ARHGAP39: variants seen among roughly 807,000 people sequenced by gnomAD.
ARHGAP39 encodes the protein rho GTPase-activating protein 39.
ARHGAP39 carries 44 observed loss-of-function variants against 106.9 expected under a neutral mutation model. That is an observed-to-expected ratio of 0.41 (90% CI 0.32 to 0.53). The LOEUF (loss-of-function observed/expected upper bound fraction) is 0.53, where lower values mean the gene tolerates loss of function less well. Among genes scored for constraint, ARHGAP39 ranks in the 20% least tolerant of loss-of-function variants. The probability of loss-of-function intolerance (pLI) is 0.21; values close to 1 mark genes in which losing one functional copy is unlikely to be tolerated. For missense variants in ARHGAP39, 1,496 were observed against 1,577.3 expected, an observed-to-expected ratio of 0.95 and a Z score of 0.87; for synonymous variants, 768 against 693.2, an observed-to-expected ratio of 1.11 and a Z score of -1.69.
At chr8:144,573,037 A>C (rs1044914542) in intron 3 of ARHGAP39, among the ~76,000 whole-genome samples, 6 of 152,234 alleles carry the variant, frequency 3.9e-5, no homozygotes, top group African/African-American at 1.4e-4. Context: ...TGTGGAAGAC[A>C]GTGTGGCAAT....
chr8:144,538,999 C>T (rs1348666215), intron 6 of ARHGAP39, among the ~76,000 whole-genome samples: 1 of 152,078 alleles, frequency 6.6e-6, no homozygotes, highest in Non-Finnish European at 1.5e-5. Context: ...CAGGCGTCAC[C>T]CCCACCTCCG....
chr8:144,620,513 G>A (rs981718259), intron 1 of ARHGAP39, among the ~76,000 whole-genome samples: 2 of 150,582 alleles, frequency 1.3e-5, no homozygotes, highest in Non-Finnish European at 3.0e-5. Flanking sequence ...GAGCACGTGT[G>A]CCCGTGTGAG....
chr8:144,592,921 G>A (rs540296034), intron 2 of ARHGAP39, among the ~76,000 whole-genome samples: 2 of 152,318 alleles, frequency 1.3e-5, no homozygotes, highest in African/African-American at 2.4e-5. Flanking sequence ...GGGAACTCGC[G>A]CCTCGGCCCT....
At chr8:144,694,751 A>G in the ARHGAP39 span, among the ~76,000 whole-genome samples, 2 of 152,314 alleles carry the variant, frequency 1.3e-5, no homozygotes, top group South Asian at 2.1e-4. Flanking sequence ...TCTTATGATA[A>G]CATTTCAGGC....
intron 1 of ARHGAP39, among the ~76,000 whole-genome samples, chr8:144,656,281 C>T (rs1449531851): frequency 6.6e-6 from 1 of 151,368 alleles, no homozygotes; most frequent in Admixed American, 6.6e-5. Context: ...TCGCTTGAGC[C>T]CAGGAGTTCA....
In ARHGAP39 at chr8:144,679,493, T is replaced by G. The variant is rs186877378; in HGVS notation, c.-82+6193A>C. 6.6e-6 allele frequency among the ~76,000 whole-genome samples: 1 copy of G among 152,380 alleles called. No individual in the cohort carries two copies. The highest frequency in any genetic ancestry group is 1.5e-5 in the Non-Finnish European group (1 of 68,040). On this transcript the variant is annotated intron_variant, in intron 1 of 11. Transcript: ENST00000377307. This position sits in a 1 kb window ranked among gnomAD's most constrained non-coding sequence, Gnocchi z 4.7. ...AACGCGGGCAGGAATCAGCCTCTGC[T>G]GCTGTGAGCGCTGCAGTGCTGGGGT... is the stretch of plus-strand genomic sequence containing the variant.
At chr8:144,630,324 T>C (rs1038466911) in intron 1 of ARHGAP39, among the ~76,000 whole-genome samples, 1 of 152,230 alleles carries the variant, frequency 6.6e-6, no homozygotes, top group African/African-American at 2.4e-5. Context: ...AATGTCTTCA[T>C]TCTACCTTGA....
chr8:144,610,278 G>A lies in ARHGAP39; in HGVS notation c.-81-4583C>T, dbSNP rs114571201. ...ACTGCCTCAAAAAGACAGCTTAATC[G>A]TTTTTTTTCTATTTTTCTGTTTTCA... is the stretch of plus-strand genomic sequence containing the variant. On this transcript the variant is annotated intron_variant, in intron 1 of 11. Transcript: ENST00000377307. Among the ~76,000 whole-genome samples the A allele has an allele frequency of 2.3e-3, 356 of 151,762 alleles. 2 individuals are homozygous for A. Among genetic ancestry groups the A allele is most frequent in the African/African-American group, 8.1e-3 (334 of 41,378 alleles).
rs573538720 is a variant in ARHGAP39 at position 144,576,160 on chromosome 8, G to A, written c.512+4686C>T. Among the ~76,000 whole-genome samples the A allele has an allele frequency of 5.5e-4, 84 of 151,754 alleles. 1 individual carries two copies. Among genetic ancestry groups the A allele is most frequent in the Admixed American group, 2.0e-3 (30 of 15,222 alleles). On this transcript the variant is annotated intron_variant, in intron 3 of 11. Transcript: ENST00000377307. ...GCCCAGCCACCAACATGGTGAAACCGTGTCTCTACTAAAAATACAAAAATT... is the reference window on the plus strand; with the variant it reads ...GCCCAGCCACCAACATGGTGAAACCATGTCTCTACTAAAAATACAAAAATT...
At chr8:144,566,681 C>G (rs552772373) in intron 3 of ARHGAP39, among the ~76,000 whole-genome samples, 5 of 151,972 alleles carry the variant, frequency 3.3e-5, no homozygotes. Flanking sequence ...CATGGTGAAA[C>G]GCCGGCTCTA....
At chr8:144,537,853 C>CTG in intron 6 of ARHGAP39, 40 bp from the exon 7 acceptor site, 1 of 1,588,104 alleles carries the variant, frequency 6.3e-7, no homozygotes, top group Non-Finnish European at 8.6e-7. Context: ...CAGAACAAAA[C>CTG]GCCAGGAGCC....
intron 1 of ARHGAP39, among the ~76,000 whole-genome samples, chr8:144,654,808 G>C (rs1399515636): frequency 6.6e-6 from 1 of 152,068 alleles, no homozygotes; most frequent in African/African-American, 2.4e-5. Flanking sequence ...GCAGATCTGA[G>C]CCTCCCTGTG....
Position 144,545,511 on chromosome 8 carries a change from G to A in ARHGAP39, c.2259C>T (p.Tyr753=), listed in dbSNP as rs1406653442. ...ACELFKLIQM[Y]MGDRRAKADP... ...CGGCCTTGGCCCGCCGGTCACCCATGTACATCTGGATCAGCTTGAAGAGCT... is the reference window on the plus strand; with the variant it reads ...CGGCCTTGGCCCGCCGGTCACCCATATACATCTGGATCAGCTTGAAGAGCT... The change falls in exon 6 of 12, where the codon TAC becomes TAT. Residue 753 remains tyrosine (Y), a synonymous_variant. Transcript: ENST00000377307. 1.2e-6 allele frequency: 2 copies of A among 1,612,970 alleles called. No homozygotes were observed. Among genetic ancestry groups the A allele is most frequent in the Non-Finnish European group, 1.7e-6 (2 of 1,179,572 alleles).
At position 144,671,513 on chromosome 8, in the gene ARHGAP39, C is replaced by T. The variant is rs1470067752; in HGVS notation, c.-82+14173G>A. ...ACCACCCTCCCACCTGCTCCCTGACCCCCAGATGCCTGCTCACCTGGGCTC... is the reference window on the plus strand; with the variant it reads ...ACCACCCTCCCACCTGCTCCCTGACTCCCAGATGCCTGCTCACCTGGGCTC... On this transcript the variant is annotated intron_variant, in intron 1 of 11. Transcript: ENST00000377307. The surrounding 1 kb of genome is among the most constrained non-coding windows in gnomAD (Gnocchi z 4.5). Among the ~76,000 whole-genome samples the T allele has an allele frequency of 6.6e-6, 1 of 152,200 alleles. No homozygotes were observed. Among genetic ancestry groups the T allele is most frequent in the East Asian group, 1.9e-4 (1 of 5,184 alleles).
chr8:144,688,188 C>T (rs2129800022), upstream of ARHGAP39, among the ~76,000 whole-genome samples: 1 of 151,458 alleles, frequency 6.6e-6, no homozygotes, highest in African/African-American at 2.4e-5. Context: ...ATTGCAACCT[C>T]TGCCTTCTGG....
chr8:144,673,703 A>G (rs1822160259), intron 1 of ARHGAP39, among the ~76,000 whole-genome samples: 1 of 152,220 alleles, frequency 6.6e-6, no homozygotes, highest in South Asian at 2.1e-4. Flanking sequence ...AGTATTGCTC[A>G]TGCCCACTGG....
At position 144,669,506 on chromosome 8, in the gene ARHGAP39, C is replaced by CAAAAAAAAAAAAAAAAA. The variant is rs55678140; in HGVS notation, c.-82+16163_-82+16179dup. Among the ~76,000 whole-genome samples, 33 of 59,734 alleles carry CAAAAAAAAAAAAAAAAA rather than the reference C, an allele frequency of 5.5e-4. 1 individual carries two copies. The highest frequency in any genetic ancestry group is 2.2e-3 in the African/African-American group (32 of 14,850). The allele number at this position is 59,734 out of a possible 152,430, so 39.2% of individuals were successfully genotyped here. The stretch of plus-strand genomic sequence containing the variant: ...TGGATGATAGGGCGAGACTCGGTCT[C>CAAAAAAAAAAAAAAAAA]AAAAAAAAAAAAAAAAAAAAAGATA... On this transcript the variant is annotated intron_variant, in intron 1 of 11. Coordinates refer to ENST00000377307, the MANE Select transcript of ARHGAP39 (RefSeq NM_025251.3).
chr8:144,665,106 C>T (rs1025442081), intron 1 of ARHGAP39, among the ~76,000 whole-genome samples: 1 of 152,192 alleles, frequency 6.6e-6, no homozygotes, highest in Non-Finnish European at 1.5e-5. Flanking sequence ...TTGTTGAGAA[C>T]TGGAGCAAAG....
chr8:144,539,291 T>A (rs1400031869), intron 6 of ARHGAP39, among the ~76,000 whole-genome samples: 1 of 152,218 alleles, frequency 6.6e-6, no homozygotes, highest in Non-Finnish European at 1.5e-5. Context: ...GAGCTAAACA[T>A]GGCCTCTAAC....
Sources: allele counts gnomAD v4.1 joint callset (sites outside exome capture counted in the v4.1 genomes callset), GRCh38; gene constraint gnomAD v4.1.1; non-coding constraint Gnocchi (gnomAD v3.1); transcripts MANE v1.5; gene names NCBI Gene and HGNC (gene_info 2026-07-23, HGNC 2026-07-21).